Variants in BCKDHB observed in about 807,000 individuals in gnomAD.
The protein encoded by BCKDHB is branched chain keto acid dehydrogenase E1 subunit beta.
In BCKDHB, 41 loss-of-function variants were observed where a neutral mutation model predicts 48.5. The ratio of observed to expected loss-of-function variants is 0.85; its 90% CI spans 0.66 to 1.10. The LOEUF (loss-of-function observed/expected upper bound fraction) is 1.10, where lower values mean the gene tolerates loss of function less well. Among genes scored for constraint, BCKDHB ranks in the 50% least tolerant of loss-of-function variants. The pLI, the probability that BCKDHB is intolerant of heterozygous loss-of-function variation, is 0.00. For synonymous variants in BCKDHB, 201 were observed against 174.8 expected, an observed-to-expected ratio of 1.15 and a Z score of -1.18; for missense variants, 496 against 494.2, an observed-to-expected ratio of 1.00 and a Z score of -0.03.
chr6:80,457,073 A>G, the BCKDHB span, among the ~76,000 whole-genome samples: 1 of 152,206 alleles, frequency 6.6e-6, no homozygotes, highest in Non-Finnish European at 1.5e-5. Flanking sequence ...CTTATGTGAC[A>G]CACTCCTTTT....
intron 9 of BCKDHB, chr6:80,307,509 T>G (rs1767939948): frequency 1.0e-6 from 1 of 984,904 alleles, no homozygotes; most frequent in African/African-American, 1.7e-5. Flanking sequence ...AAAGAACCTC[T>G]GTTAAATTTT....
At chr6:80,285,522 T>C (rs74806359) in intron 9 of BCKDHB, among the ~76,000 whole-genome samples, 1 of 6,554 alleles carries the variant, frequency 1.5e-4, no homozygotes, top group Non-Finnish European at 4.3e-4. Flanking sequence ...TGGATACTCT[T>C]ATATCTGTTC....
In BCKDHB at chr6:80,345,993, A is replaced by G. The variant is rs918172428; in HGVS notation, c.*2189A>G. 38 of 152,230 alleles carry G rather than the reference A, an allele frequency of 2.5e-4. No homozygotes were observed. Among genetic ancestry groups the G allele is most frequent in the Non-Finnish European group, 1.5e-5 (1 of 68,038 alleles). 9.4% of individuals were successfully genotyped at this position (152,230 alleles called of 1,614,324 possible). The stretch of plus-strand genomic sequence containing the variant: ...TTTACAGAAAAGCTGGAAGATTATG[A>G]CTAGATATGGAAATATTTTTTCTGA... On this transcript the variant is annotated 3_prime_UTR_variant, in exon 10 of 10. Transcript: ENST00000320393.
intron 8 of BCKDHB, among the ~76,000 whole-genome samples, chr6:80,267,210 A>G (rs377684787): frequency 1.3e-5 from 2 of 152,164 alleles, no homozygotes; most frequent in East Asian, 3.9e-4. Flanking sequence ...ATATCTATAC[A>G]GTGCTGTGCT....
At chr6:80,130,878 A>G (rs578255924) in intron 3 of BCKDHB, among the ~76,000 whole-genome samples, 3 of 152,308 alleles carry the variant, frequency 2.0e-5, no homozygotes, top group Non-Finnish European at 2.9e-5. Flanking sequence ...CAGTATAACT[A>G]TGCTGTGGAG....
At chr6:80,376,144 T>G in the BCKDHB span, among the ~76,000 whole-genome samples, 1 of 151,990 alleles carries the variant, frequency 6.6e-6, no homozygotes, top group African/African-American at 2.4e-5. Context: ...CAAGGCTAGG[T>G]GTGTCTGAGC....
chr6:80,197,992 A>C (rs1302093709), intron 6 of BCKDHB, among the ~76,000 whole-genome samples: 1 of 151,816 alleles, frequency 6.6e-6, no homozygotes, highest in Non-Finnish European at 1.5e-5. Flanking sequence ...CTATGCATCT[A>C]TCCATGCAAT....
the BCKDHB span, among the ~76,000 whole-genome samples, chr6:80,434,778 T>A: frequency 6.6e-6 from 1 of 152,220 alleles, no homozygotes; most frequent in East Asian, 1.9e-4. Flanking sequence ...CTCTCTACTC[T>A]GGCTGGTGGA....
chr6:80,244,605 A>G (rs895933253), intron 8 of BCKDHB, among the ~76,000 whole-genome samples: 10 of 152,210 alleles, frequency 6.6e-5, no homozygotes, highest in Non-Finnish European at 1.2e-4. Flanking sequence ...CTTATACTTT[A>G]TGTATGTGTG....
the BCKDHB span, among the ~76,000 whole-genome samples, chr6:80,444,284 A>G: frequency 3.0e-3 from 461 of 152,238 alleles, 5 homozygotes; most frequent in African/African-American, 0.01. Context: ...TATAAAATTA[A>G]TATTTAAGAA....
At chr6:80,430,545 GTTA>G in the BCKDHB span, among the ~76,000 whole-genome samples, 1 of 151,740 alleles carries the variant, frequency 6.6e-6, no homozygotes, top group Non-Finnish European at 1.5e-5. Context: ...TTCAGGACTT[GTTA>G]TTGGTCTATT....
chr6:80,173,483 GC>G (rs367666855), intron 6 of BCKDHB, among the ~76,000 whole-genome samples: 166 of 152,214 alleles, frequency 1.1e-3, no homozygotes, highest in African/African-American at 3.7e-3. Context: ...TGTTCTCTGG[GC>G]CAGCAGAATA....
chr6:80,329,042 G>A (rs1318775736), intron 9 of BCKDHB, among the ~76,000 whole-genome samples: 1 of 152,078 alleles, frequency 6.6e-6, no homozygotes, highest in Admixed American at 6.5e-5. Flanking sequence ...CCAGTAGTGT[G>A]AGTAAATGGG....
intron 8 of BCKDHB, among the ~76,000 whole-genome samples, chr6:80,203,824 G>A (rs1040022727): frequency 6.6e-6 from 1 of 152,098 alleles, no homozygotes; most frequent in South Asian, 2.1e-4. Context: ...TAAGAATATA[G>A]TTTAGCTCTC....
At chr6:80,357,698 A>T in the BCKDHB span, among the ~76,000 whole-genome samples, 1 of 152,140 alleles carries the variant, frequency 6.6e-6, no homozygotes, top group Non-Finnish European at 1.5e-5. Flanking sequence ...TGGAGTTTGG[A>T]TGGCTGTGTA....
intron 6 of BCKDHB, among the ~76,000 whole-genome samples, chr6:80,195,709 A>G (rs1323095783): frequency 6.6e-6 from 1 of 152,178 alleles, no homozygotes; most frequent in Admixed American, 6.5e-5. Flanking sequence ...ACACAAAAAT[A>G]ACACAATATT....
At chr6:80,353,914 T>C in the BCKDHB span, among the ~76,000 whole-genome samples, 1 of 152,220 alleles carries the variant, frequency 6.6e-6, no homozygotes, top group African/African-American at 2.4e-5. Context: ...TGATGTCTCA[T>C]TTTAATTTGC....
chr6:80,160,914 A>G (rs2127765709), intron 3 of BCKDHB, among the ~76,000 whole-genome samples: 1 of 152,342 alleles, frequency 6.6e-6, no homozygotes, highest in East Asian at 1.9e-4. Context: ...TATCTATACT[A>G]TTGATCAGCA....
chr6:80,318,313 G>A (rs1246119247), intron 9 of BCKDHB, among the ~76,000 whole-genome samples: 5 of 152,104 alleles, frequency 3.3e-5, no homozygotes, highest in Non-Finnish European at 7.4e-5. Context: ...GCTGTATGTG[G>A]GATGGATGTC....
Sources: allele counts gnomAD v4.1 joint callset (sites outside exome capture counted in the v4.1 genomes callset), GRCh38; gene constraint gnomAD v4.1.1; transcripts MANE v1.5; gene names NCBI Gene and HGNC (gene_info 2026-07-23, HGNC 2026-07-21).